JAK2: variants seen among roughly 807,000 people sequenced by gnomAD.
JAK2 encodes Janus kinase 2.
JAK2 carries 86 observed loss-of-function variants against 139.3 expected under a neutral mutation model. The ratio of observed to expected loss-of-function variants is 0.62; its 90% CI spans 0.52 to 0.74. The LOEUF is 0.74. Among genes scored for constraint, JAK2 ranks in the 30% least tolerant of loss-of-function variants. The pLI, the probability that JAK2 is intolerant of heterozygous loss-of-function variation, is 0.00. For missense variants in JAK2, 1,421 were observed against 1,360.3 expected (o/e 1.04, Z -0.70); for synonymous variants, 490 against 437.7 (o/e 1.12, Z -1.49).
chr9:4,998,682 C>G (rs1788047817), intron 2 of JAK2, among the ~76,000 whole-genome samples: 1 of 151,238 alleles, frequency 6.6e-6, no homozygotes, highest in African/African-American at 2.4e-5. Flanking sequence ...GTGTAGTCAT[C>G]ATTAAGCATG....
At chr9:5,096,150 T>A (rs1177707202) in intron 22 of JAK2, among the ~76,000 whole-genome samples, 1 of 152,148 alleles carries the variant, frequency 6.6e-6, no homozygotes, top group Non-Finnish European at 1.5e-5. Flanking sequence ...CCACATCCAA[T>A]AATACGAAAA....
chr9:5,008,650 T>A (rs912008399), intron 2 of JAK2, among the ~76,000 whole-genome samples: 1 of 152,226 alleles, frequency 6.6e-6, no homozygotes, highest in African/African-American at 2.4e-5. Flanking sequence ...AACTGAACTC[T>A]TTTAGAGTTT....
At chr9:5,096,747 A>T (rs1564000777) in intron 22 of JAK2, 1 of 152,132 alleles carries the variant, frequency 6.6e-6, no homozygotes, top group Non-Finnish European at 1.5e-5. Flanking sequence ...ATGAGTGGGG[A>T]TAGTGGGTAC....
At chr9:5,019,945 T>C (rs747571631) in intron 2 of JAK2, among the ~76,000 whole-genome samples, 43 of 152,198 alleles carry the variant, frequency 2.8e-4, no homozygotes, top group Non-Finnish European at 6.2e-4. Context: ...CAACCATGCC[T>C]GTACATTAGC....
intron 4 of JAK2, among the ~76,000 whole-genome samples, chr9:5,037,991 G>C (rs536080798): frequency 6.6e-6 from 1 of 152,046 alleles, no homozygotes; most frequent in African/African-American, 2.4e-5. Context: ...AATATATAGC[G>C]TCACTAGTTA....
chr9:5,041,488 T>TA, intron 4 of JAK2: 1 of 591,604 alleles, frequency 1.7e-6, no homozygotes, highest in Non-Finnish European at 3.3e-6. Flanking sequence ...TCATGAGCGG[T>TA]ACAGAAGATC....
intron 22 of JAK2, among the ~76,000 whole-genome samples, chr9:5,095,994 A>C (rs1398680213): frequency 6.6e-6 from 1 of 152,300 alleles, no homozygotes; most frequent in African/African-American, 2.4e-5. Context: ...TACCTCCATT[A>C]ACAGGATTTC....
intron 2 of JAK2, among the ~76,000 whole-genome samples, chr9:5,001,000 G>C (rs1315593932): frequency 6.6e-6 from 1 of 152,122 alleles, no homozygotes; most frequent in Non-Finnish European, 1.5e-5. Context: ...AGAATAAAAA[G>C]ACATGCTTAG....
chr9:5,074,217 G>C (rs1819161351), intron 14 of JAK2, among the ~76,000 whole-genome samples: 1 of 151,750 alleles, frequency 6.6e-6, no homozygotes, highest in African/African-American at 2.4e-5. Context: ...TATATTTTTT[G>C]GCTAAATTTA....
In JAK2 at chr9:5,113,191, CTTTTTTTTTT is replaced by C. The variant is rs531374595; in HGVS notation, c.3060-9794_3060-9785del. Among the ~76,000 whole-genome samples, 20 of 57,190 alleles carry C rather than the reference CTTTTTTTTTT, an allele frequency of 3.5e-4. No homozygotes were observed. The South Asian group carries it at 4.9e-3, about 14-fold the overall frequency. 37.5% of individuals were successfully genotyped at this position (57,190 alleles called of 152,430 possible). ...GCCCTGTTGTCTGGGCTGGCAGGAG[CTTTTTTTTTT>C]TTTTTTTTTTTTTTTTTTCCAGTAA... On this transcript the variant is annotated intron_variant, in intron 22 of 24. Transcript: ENST00000381652.
intron 22 of JAK2, among the ~76,000 whole-genome samples, chr9:5,101,168 A>T (rs1348735039): frequency 6.6e-6 from 1 of 152,232 alleles, no homozygotes; most frequent in Non-Finnish European, 1.5e-5. Context: ...AAATCAGGAC[A>T]CTTTTGCCCA....
rs979731416 is a variant in JAK2 at position 5,112,468 on chromosome 9, G to A, written c.3060-10536G>A. ...GAAGAAGGAGCTGAAGGACCCCCGGGACCGGACCAGCCCAGACAAGGACGA... is the reference window on the plus strand; with the variant it reads ...GAAGAAGGAGCTGAAGGACCCCCGGAACCGGACCAGCCCAGACAAGGACGA... On this transcript the variant is annotated intron_variant, in intron 22 of 24. Transcript: ENST00000381652. 6 of 548,124 alleles carry A rather than the reference G, an allele frequency of 1.1e-5. 1 individual carries two copies. Among genetic ancestry groups the A allele is most frequent in the Middle Eastern group, 6.4e-4 (2 of 3,106 alleles). 34.0% of individuals were successfully genotyped at this position (548,124 alleles called of 1,614,324 possible).
chr9:5,071,012 G>A (rs1175950217), intron 12 of JAK2, among the ~76,000 whole-genome samples: 1 of 152,134 alleles, frequency 6.6e-6, no homozygotes, highest in Non-Finnish European at 1.5e-5. Flanking sequence ...AGCAAGCAGA[G>A]AAGAAAAGGA....
chr9:5,121,102 G>A (rs1048681719), intron 22 of JAK2, among the ~76,000 whole-genome samples: 1 of 152,158 alleles, frequency 6.6e-6, no homozygotes, highest in African/African-American at 2.4e-5. Context: ...TTTAGAAGAG[G>A]CAGAATAGTA....
At chr9:4,993,969 C>G (rs979160493) in intron 2 of JAK2, among the ~76,000 whole-genome samples, 5 of 152,094 alleles carry the variant, frequency 3.3e-5, no homozygotes, top group African/African-American at 1.2e-4. Flanking sequence ...GATGAGTGTG[C>G]CTTGCAGTGG....
chr9:5,003,732 A>G (rs1468616223), intron 2 of JAK2, among the ~76,000 whole-genome samples: 2 of 152,024 alleles, frequency 1.3e-5, no homozygotes, highest in Non-Finnish European at 2.9e-5. Flanking sequence ...CACAATGTCC[A>G]CTATGGTATT....
intron 8 of JAK2, 47 bp downstream of exon 8, chr9:5,055,835 A>G (rs1379610698): frequency 4.6e-6 from 7 of 1,520,802 alleles, no homozygotes; most frequent in Non-Finnish European, 6.3e-6. Context: ...TATAGTTCTC[A>G]GAAATGTGTA....
At chr9:5,048,323 A>G (rs1429445252) in intron 5 of JAK2, among the ~76,000 whole-genome samples, 1 of 151,796 alleles carries the variant, frequency 6.6e-6, no homozygotes, top group East Asian at 1.9e-4. Flanking sequence ...TTGTATTTTT[A>G]GTAGAGATGG....
chr9:5,096,008 CTGAA>C (rs1401655406), intron 22 of JAK2, among the ~76,000 whole-genome samples: 3 of 152,260 alleles, frequency 2.0e-5, no homozygotes, highest in African/African-American at 4.8e-5. Context: ...GGATTTCTGC[CTGAA>C]TGAGTCATCA....
Sources: allele counts gnomAD v4.1 joint callset (sites outside exome capture counted in the v4.1 genomes callset), GRCh38; gene constraint gnomAD v4.1.1; transcripts MANE v1.5; gene names NCBI Gene and HGNC (gene_info 2026-07-23, HGNC 2026-07-21).